Variants in NEBL observed in about 807,000 individuals in gnomAD.
NEBL encodes the protein LIM and SH3 protein 2.
In NEBL, 122 loss-of-function variants were observed where a neutral mutation model predicts 140.2. The ratio of observed to expected loss-of-function variants is 0.87; its 90% CI spans 0.75 to 1.01. The LOEUF is 1.01. Ranked by LOEUF, NEBL falls within the 50% of genes least tolerant of loss-of-function variation. The pLI is 0.00. For missense variants in NEBL, 1,365 were observed against 1,231.3 expected (o/e 1.11, Z -1.62); for synonymous variants, 436 against 398.9 (o/e 1.09, Z -1.11).
chr10:21,132,069 A>G (rs1839137222), intron 2 of NEBL, among the ~76,000 whole-genome samples: 1 of 152,210 alleles, frequency 6.6e-6, no homozygotes, highest in Admixed American at 6.5e-5. Context: ...AATAATAACC[A>G]TTATATAAAT....
chr10:21,231,043 G>C (rs1270853313), intron 3 of NEBL, among the ~76,000 whole-genome samples: 4 of 152,220 alleles, frequency 2.6e-5, no homozygotes, highest in African/African-American at 7.2e-5. Context: ...TGGACCAAAA[G>C]AAAGTCAATT....
At chr10:20,851,282 AATT>A (rs1280535148) in intron 10 of NEBL, among the ~76,000 whole-genome samples, 1 of 152,142 alleles carries the variant, frequency 6.6e-6, no homozygotes, top group East Asian at 1.9e-4. Context: ...ATATCTATAC[AATT>A]ATTTCTTAAG....
chr10:21,013,654 G>C (rs1224538455), intron 3 of NEBL, among the ~76,000 whole-genome samples: 2 of 152,216 alleles, frequency 1.3e-5, no homozygotes, highest in African/African-American at 4.8e-5. Flanking sequence ...AAGGTGGGTA[G>C]ATCACTTGAG....
intron 12 of NEBL, among the ~76,000 whole-genome samples, chr10:20,843,560 A>G (rs1841590187): frequency 6.6e-6 from 1 of 152,118 alleles, no homozygotes. Flanking sequence ...AAAAATTAAC[A>G]TAAATAGTGT....
chr10:20,965,305 G>A (rs1291720887), intron 3 of NEBL, among the ~76,000 whole-genome samples: 1 of 152,224 alleles, frequency 6.6e-6, no homozygotes, highest in African/African-American at 2.4e-5. Context: ...CGCTAAGAGA[G>A]AAAAATAGCG....
intron 3 of NEBL, among the ~76,000 whole-genome samples, chr10:21,005,789 C>T (rs1202761903): frequency 2.6e-5 from 4 of 151,754 alleles, no homozygotes; most frequent in African/African-American, 9.7e-5. Context: ...TACATCTACC[C>T]ACCCATAAGT....
At chr10:21,140,086 G>T (rs1839555249) in intron 2 of NEBL, among the ~76,000 whole-genome samples, 2 of 152,036 alleles carry the variant, frequency 1.3e-5, no homozygotes, top group African/African-American at 2.4e-5. Context: ...ACTTGAACCT[G>T]GGAGGTGGAG....
At chr10:20,795,339 T>C (rs1836404782) in intron 26 of NEBL, among the ~76,000 whole-genome samples, 1 of 152,180 alleles carries the variant, frequency 6.6e-6, no homozygotes, top group South Asian at 2.1e-4. Flanking sequence ...AATTTGTGTG[T>C]ATATGTGTGG....
At chr10:21,029,502 G>A in intron 2 of NEBL, 1 of 1,610,944 alleles carries the variant, frequency 6.2e-7, no homozygotes, top group Non-Finnish European at 8.5e-7. Context: ...GAATTCGAGT[G>A]GACGTTGCTG....
chr10:20,902,936 C>T (rs183847252), intron 4 of NEBL, among the ~76,000 whole-genome samples: 1 of 152,288 alleles, frequency 6.6e-6, no homozygotes, highest in African/African-American at 2.4e-5. Context: ...AAACAAATTA[C>T]TGAGTGTTCC....
chr10:20,934,603 T>C (rs1364634000), intron 4 of NEBL, among the ~76,000 whole-genome samples: 1 of 151,884 alleles, frequency 6.6e-6, no homozygotes, highest in Non-Finnish European at 1.5e-5. Context: ...GCTCATCCAG[T>C]GGAGAATGCC....
intron 5 of NEBL, among the ~76,000 whole-genome samples, chr10:20,876,524 T>C (rs1048414601): frequency 1.3e-5 from 2 of 152,214 alleles, no homozygotes; most frequent in Non-Finnish European, 2.9e-5. Context: ...TCTGATGGAA[T>C]AGAAATTGTT....
At chr10:20,992,259 T>G (rs1036438396) in intron 3 of NEBL, among the ~76,000 whole-genome samples, 1 of 152,252 alleles carries the variant, frequency 6.6e-6, no homozygotes, top group Non-Finnish European at 1.5e-5. Flanking sequence ...TAGCATCTTT[T>G]GAATGCCATT....
chr10:20,854,651 AC>A (rs943774089), intron 9 of NEBL, among the ~76,000 whole-genome samples: 1 of 136,436 alleles, frequency 7.3e-6, no homozygotes, highest in Non-Finnish European at 1.5e-5. Context: ...TGCAGCCTTG[AC>A]CTCCTGGGCT....
chr10:21,291,528 A>G (rs1843143384), intron 1 of NEBL, among the ~76,000 whole-genome samples: 1 of 151,374 alleles, frequency 6.6e-6, no homozygotes, highest in Non-Finnish European at 1.5e-5. Context: ...AAGAAGAAGA[A>G]GAAGCCTACA....
chr10:21,030,301 G>A, intron 2 of NEBL: 5 of 655,366 alleles, frequency 7.6e-6, no homozygotes, highest in South Asian at 7.6e-5. Context: ...AACTGGAACG[G>A]TGGAGGACAG....
chr10:21,065,205 G>C (rs1325486848), intron 2 of NEBL, among the ~76,000 whole-genome samples: 1 of 152,172 alleles, frequency 6.6e-6, no homozygotes, highest in Non-Finnish European at 1.5e-5. Flanking sequence ...CACAGCATAT[G>C]CCTTAGTTAC....
At chr10:21,216,859 G>A (rs543413950) in intron 3 of NEBL, among the ~76,000 whole-genome samples, 9 of 150,354 alleles carry the variant, frequency 6.0e-5, no homozygotes, top group Admixed American at 1.3e-4. Context: ...GTGGTGGCAC[G>A]TGCCTGTAAT....
intron 4 of NEBL, among the ~76,000 whole-genome samples, chr10:20,883,681 T>C (rs1005009138): frequency 2.6e-5 from 4 of 152,250 alleles, no homozygotes; most frequent in Non-Finnish European, 5.9e-5. Context: ...ACTTTAGACC[T>C]ACTAACATAT....
Sources: allele counts gnomAD v4.1 joint callset (sites outside exome capture counted in the v4.1 genomes callset), GRCh38; gene constraint gnomAD v4.1.1; transcripts MANE v1.5; gene names NCBI Gene and HGNC (gene_info 2026-07-23, HGNC 2026-07-21).